The following SDK1 variants were observed in gnomAD, a reference collection of about 807,000 sequenced individuals.
SDK1 encodes the protein sidekick cell adhesion molecule 1, also known as protein sidekick-1.
Under a neutral mutation model 245.5 loss-of-function variants are expected in SDK1, and 157 were observed. The ratio of observed to expected loss-of-function variants is 0.64; its 90% CI spans 0.56 to 0.73. The LOEUF is 0.73. SDK1 is among the 30% of genes least tolerant of loss of function. The pLI is 0.00. For synonymous variants in SDK1, 1,647 were observed against 1,278.5 expected, an observed-to-expected ratio of 1.29 and a Z score of -6.15; for missense variants, 3,583 against 3,002.3, an observed-to-expected ratio of 1.19 and a Z score of -4.52.
Position 3,566,909 on chromosome 7 carries a change from G to A in SDK1, c.299-52171G>A, listed in dbSNP as rs992003347. The stretch of plus-strand genomic sequence containing the variant: ...TATTACACTAGCAAGAGTTGGCTGA[G>A]GATGGTAGATACAAGTGGGGATGTG... On this transcript the variant is annotated intron_variant, in intron 1 of 44. Transcript: ENST00000404826. Among the ~76,000 whole-genome samples, 5 of 152,248 alleles carry A rather than the reference G, an allele frequency of 3.3e-5. No individual in the cohort carries two copies. The East Asian group carries it at 7.7e-4, about 23-fold the overall frequency.
chr7:3,809,638 A>G (rs769522488), intron 4 of SDK1, among the ~76,000 whole-genome samples: 16 of 152,260 alleles, frequency 1.1e-4, no homozygotes, highest in Non-Finnish European at 2.2e-4. Context: ...CACTCTGCTC[A>G]TAATTTTCTA....
chr7:4,158,132 C>G (rs529262542), intron 30 of SDK1, among the ~76,000 whole-genome samples: 111 of 152,288 alleles, frequency 7.3e-4, no homozygotes, highest in African/African-American at 2.5e-3. Context: ...AATCTTCCCC[C>G]TGGCCAGGAC....
At chr7:3,457,014 G>A (rs140277422) in intron 1 of SDK1, among the ~76,000 whole-genome samples, 19 of 152,270 alleles carry the variant, frequency 1.2e-4, no homozygotes, top group Admixed American at 3.3e-4. Flanking sequence ...GGTGCACAAG[G>A]TGCTTCCGCA....
chr7:3,974,619 C>A, intron 13 of SDK1, 74 bp downstream of exon 13: 1 of 1,438,718 alleles, frequency 7.0e-7, no homozygotes, highest in Non-Finnish European at 9.7e-7. Context: ...GTGACTGCCA[C>A]TTCACAAGTG....
intron 8 of SDK1, among the ~76,000 whole-genome samples, chr7:3,961,172 T>C (rs999506295): frequency 6.6e-6 from 1 of 152,244 alleles, no homozygotes; most frequent in Non-Finnish European, 1.5e-5. Context: ...TTCTTTTCAT[T>C]TTGACAGTGA....
chr7:3,840,170 A>G (rs933332333), intron 5 of SDK1, among the ~76,000 whole-genome samples: 1 of 152,202 alleles, frequency 6.6e-6, no homozygotes, highest in Admixed American at 6.5e-5. Context: ...GTACCTGGGC[A>G]AAAATATCTG....
chr7:3,794,372 T>G (rs1778911170), intron 4 of SDK1, among the ~76,000 whole-genome samples: 2 of 152,206 alleles, frequency 1.3e-5, no homozygotes, highest in African/African-American at 4.8e-5. Flanking sequence ...AAGGCATATA[T>G]GGCAAGGGCA....
chr7:3,378,918 C>G (rs895224037), intron 1 of SDK1, among the ~76,000 whole-genome samples: 4 of 152,042 alleles, frequency 2.6e-5, no homozygotes, highest in African/African-American at 9.7e-5. Flanking sequence ...TGCATGCTCA[C>G]CGACCTCCCA....
intron 1 of SDK1, among the ~76,000 whole-genome samples, chr7:3,564,420 C>G (rs969664890): frequency 6.6e-6 from 1 of 151,946 alleles, no homozygotes; most frequent in Non-Finnish European, 1.5e-5. Flanking sequence ...ACCCAGGAGG[C>G]TGAGGTTGCA....
intron 28 of SDK1, among the ~76,000 whole-genome samples, chr7:4,141,493 T>C (rs777691823): frequency 5.9e-5 from 9 of 152,220 alleles, no homozygotes; most frequent in Non-Finnish European, 1.0e-4. Flanking sequence ...GCCCTGCTCC[T>C]GAAAGTAAAT....
intron 1 of SDK1, among the ~76,000 whole-genome samples, chr7:3,494,680 G>C (rs1052627277): frequency 2.0e-5 from 3 of 152,162 alleles, no homozygotes; most frequent in African/African-American, 7.2e-5. Context: ...CTCTGTTAAA[G>C]AAGTCAGAGA....
intron 1 of SDK1, among the ~76,000 whole-genome samples, chr7:3,390,666 G>C (rs958899482): frequency 1.3e-5 from 2 of 152,138 alleles, no homozygotes; most frequent in African/African-American, 4.8e-5. Context: ...TGTGCAGATA[G>C]ACGCAGATAT....
In SDK1 at chr7:3,638,955, C is replaced by G. The variant is rs952802455; in HGVS notation, c.459-49C>G. ...ATAGCATCTGATGGTTAGATATAAC[C>G]ATGAAACACTGGATATAAGCATTAA... On this transcript the variant is annotated intron_variant, in intron 2 of 44. Transcript: ENST00000404826. The G allele has an allele frequency of 1.2e-5, 14 of 1,154,428 alleles. No homozygotes were observed. In the African/African-American group the frequency reaches 2.1e-4, roughly 17 times the overall value. 71.5% of individuals were successfully genotyped at this position (1,154,428 alleles called of 1,614,324 possible).
intron 19 of SDK1, among the ~76,000 whole-genome samples, chr7:4,052,727 T>A (rs1398128597): frequency 6.6e-6 from 1 of 152,180 alleles, no homozygotes; most frequent in East Asian, 1.9e-4. Context: ...TTGGCATATT[T>A]CGTTGTATTT....
Position 4,221,221 on chromosome 7 carries a change from T to C in SDK1, c.5702-18T>C. ...GCAGGGCTGATGCCTCACCTCTCTT[T>C]TCTTCTTTATCCCGCAGGATCCCCG... On this transcript the variant is annotated intron_variant, in intron 39 of 44. Transcript: ENST00000404826. The C allele has an allele frequency of 6.2e-7, 1 of 1,612,206 alleles. No individual in the cohort carries two copies. Among genetic ancestry groups the C allele is most frequent in the South Asian group, 1.1e-5 (1 of 91,060 alleles).
At chr7:3,390,126 G>A (rs993959614) in intron 1 of SDK1, among the ~76,000 whole-genome samples, 3 of 152,100 alleles carry the variant, frequency 2.0e-5, no homozygotes, top group Admixed American at 6.5e-5. Context: ...ATTGTTGAAG[G>A]TACTGCTTGG....
At chr7:3,416,377 C>A (rs1779365759) in intron 1 of SDK1, among the ~76,000 whole-genome samples, 1 of 152,072 alleles carries the variant, frequency 6.6e-6, no homozygotes, top group African/African-American at 2.4e-5. Flanking sequence ...TAACTTCTCC[C>A]CACGGGAGAA....
chr7:3,829,085 G>C (rs1258759311), intron 5 of SDK1, among the ~76,000 whole-genome samples: 1 of 152,150 alleles, frequency 6.6e-6, no homozygotes, highest in African/African-American at 2.4e-5. Context: ...CAAATATTTA[G>C]ATTCCTTTGA....
At chr7:4,240,840 TA>T (rs1450040429) in intron 42 of SDK1, among the ~76,000 whole-genome samples, 2 of 151,928 alleles carry the variant, frequency 1.3e-5, no homozygotes, top group Non-Finnish European at 2.9e-5. Context: ...ACCCGGGAAA[TA>T]CTGGGAGAAG....
Sources: allele counts gnomAD v4.1 joint callset (sites outside exome capture counted in the v4.1 genomes callset), GRCh38; gene constraint gnomAD v4.1.1; transcripts MANE v1.5; gene names NCBI Gene and HGNC (gene_info 2026-07-23, HGNC 2026-07-21).